Variants in KHDRBS2 observed in about 807,000 individuals in gnomAD.
KHDRBS2 encodes KH domain-containing, RNA-binding, signal transduction-associated protein 2.
A neutral mutation model predicts 44.3 loss-of-function variants in KHDRBS2; 26 were observed. That is an observed-to-expected ratio of 0.59 (90% CI 0.43 to 0.81). The LOEUF (loss-of-function observed/expected upper bound fraction) is 0.81, where lower values mean the gene tolerates loss of function less well. Among genes scored for constraint, KHDRBS2 ranks in the 40% least tolerant of loss-of-function variants. The probability of loss-of-function intolerance (pLI) is 0.00; values close to 1 mark genes in which losing one functional copy is unlikely to be tolerated. For synonymous variants in KHDRBS2, 194 were observed against 151.1 expected (o/e 1.28, Z -2.08); for missense variants, 476 against 433.1 (o/e 1.10, Z -0.88).
chr6:61,843,618 G>A (rs1793936575), intron 6 of KHDRBS2, among the ~76,000 whole-genome samples: 1 of 151,986 alleles, frequency 6.6e-6, no homozygotes. Flanking sequence ...ACCCACCTCA[G>A]CCTCCCAAAG....
At chr6:62,263,451 C>T (rs1316159753) in intron 1 of KHDRBS2, among the ~76,000 whole-genome samples, 1 of 151,560 alleles carries the variant, frequency 6.6e-6, no homozygotes, top group African/African-American at 2.4e-5. Context: ...CCAAATATTA[C>T]TGATACATGA....
chr6:62,219,570 A>G (rs978544506), intron 1 of KHDRBS2, among the ~76,000 whole-genome samples: 1 of 151,462 alleles, frequency 6.6e-6, no homozygotes, highest in Non-Finnish European at 1.5e-5. Context: ...TAAAAGATGC[A>G]TATTAGAAGA....
At chr6:61,554,166 A>T in the KHDRBS2 span, among the ~76,000 whole-genome samples, 1 of 152,190 alleles carries the variant, frequency 6.6e-6, no homozygotes, top group Non-Finnish European at 1.5e-5. Context: ...AACTTGCTTT[A>T]TGAATCTGGG....
chr6:61,550,366 C>T, the KHDRBS2 span, among the ~76,000 whole-genome samples: 1 of 152,134 alleles, frequency 6.6e-6, no homozygotes, highest in African/African-American at 2.4e-5. Context: ...CTGCAAAGGG[C>T]ATGATCTCAT....
chr6:61,569,592 C>G, the KHDRBS2 span, among the ~76,000 whole-genome samples: 1 of 152,174 alleles, frequency 6.6e-6, no homozygotes, highest in Non-Finnish European at 1.5e-5. Flanking sequence ...CATGCGACAA[C>G]TTCACAGCTA....
intron 2 of KHDRBS2, among the ~76,000 whole-genome samples, chr6:62,161,575 G>A (rs1181269029): frequency 2.8e-5 from 1 of 35,614 alleles, no homozygotes; most frequent in Non-Finnish European, 7.4e-5. Context: ...GGTATTTGCG[G>A]GGGGGGGGGG....
intron 4 of KHDRBS2, among the ~76,000 whole-genome samples, chr6:61,969,222 T>G (rs115453941): frequency 0.018 from 2,779 of 152,204 alleles, 48 homozygotes; most frequent in Non-Finnish European, 0.031. Context: ...GATAATGTAA[T>G]TCTTATAAGA....
At chr6:62,011,202 T>C (rs548772383) in intron 3 of KHDRBS2, among the ~76,000 whole-genome samples, 1 of 152,286 alleles carries the variant, frequency 6.6e-6, no homozygotes, top group South Asian at 2.1e-4. Context: ...ATGCTAAAAC[T>C]CAAGGAGCAC....
intron 1 of KHDRBS2, among the ~76,000 whole-genome samples, chr6:62,258,556 A>C (rs952301471): frequency 1.3e-5 from 2 of 152,018 alleles, no homozygotes; most frequent in African/African-American, 4.8e-5. Context: ...TGACAGAGTG[A>C]CACCTTTGCT....
intron 6 of KHDRBS2, among the ~76,000 whole-genome samples, chr6:61,774,333 T>A (rs1481626424): frequency 5.9e-5 from 9 of 151,572 alleles, no homozygotes; most frequent in Non-Finnish European, 1.3e-4. Context: ...GCAGTGTAGT[T>A]CTCCTTGAAG....
At chr6:61,962,769 C>G (rs767255810) in intron 4 of KHDRBS2, among the ~76,000 whole-genome samples, 58 of 152,034 alleles carry the variant, frequency 3.8e-4, no homozygotes, top group Non-Finnish European at 1.6e-4. Flanking sequence ...CCAGGCCACT[C>G]CTAGGGGTGA....
chr6:61,562,570 G>A, the KHDRBS2 span, among the ~76,000 whole-genome samples: 1 of 151,992 alleles, frequency 6.6e-6, no homozygotes, highest in East Asian at 1.9e-4. Flanking sequence ...AAATCCTTTA[G>A]GAAACCAGAT....
intron 7 of KHDRBS2, among the ~76,000 whole-genome samples, chr6:61,729,231 A>C (rs554946306): frequency 6.6e-6 from 1 of 152,262 alleles, no homozygotes; most frequent in East Asian, 1.9e-4. Context: ...ACAGGAACAG[A>C]AAACAAAATA....
At chr6:62,229,927 C>T (rs1245174408) in intron 1 of KHDRBS2, among the ~76,000 whole-genome samples, 26 of 152,216 alleles carry the variant, frequency 1.7e-4, no homozygotes, top group Admixed American at 1.7e-3. Flanking sequence ...ATCTCTGCTG[C>T]TTCTAATGGG....
At chr6:61,658,515 T>C in the KHDRBS2 span, among the ~76,000 whole-genome samples, 4 of 151,964 alleles carry the variant, frequency 2.6e-5, no homozygotes, top group Non-Finnish European at 5.9e-5. Flanking sequence ...AATTAACTTA[T>C]CAATATGTTA....
chr6:61,598,517 G>A, the KHDRBS2 span, among the ~76,000 whole-genome samples: 1 of 152,190 alleles, frequency 6.6e-6, no homozygotes, highest in South Asian at 2.1e-4. Flanking sequence ...CCCATAGACA[G>A]AAGATTAAAA....
the KHDRBS2 span, among the ~76,000 whole-genome samples, chr6:61,590,254 A>G: frequency 6.6e-6 from 1 of 152,172 alleles, no homozygotes; most frequent in African/African-American, 2.4e-5. Context: ...ATGATGCAGA[A>G]TTTCTTGGTA....
chr6:62,135,887 G>A (rs1305027720), intron 2 of KHDRBS2, among the ~76,000 whole-genome samples: 1 of 152,078 alleles, frequency 6.6e-6, no homozygotes, highest in South Asian at 2.1e-4. Flanking sequence ...GTAAGAAACA[G>A]AGTAGAAAGG....
chr6:62,108,079 G>C (rs563090270), intron 2 of KHDRBS2, among the ~76,000 whole-genome samples: 33 of 152,056 alleles, frequency 2.2e-4, no homozygotes, highest in Non-Finnish European at 2.9e-4. Flanking sequence ...GCAACAAAAG[G>C]CAAAATGGAC....
Sources: allele counts gnomAD v4.1 joint callset (sites outside exome capture counted in the v4.1 genomes callset), GRCh38; gene constraint gnomAD v4.1.1; transcripts MANE v1.5; gene names NCBI Gene and HGNC (gene_info 2026-07-23, HGNC 2026-07-21).